The following CLOCK variants were observed in gnomAD, a reference collection of about 807,000 sequenced individuals.
CLOCK encodes circadian locomoter output cycles protein kaput.
Under a neutral mutation model 118.4 loss-of-function variants are expected in CLOCK, and 43 were observed. The ratio of observed to expected loss-of-function variants is 0.36; its 90% CI spans 0.28 to 0.47. The LOEUF is 0.47. Among genes scored for constraint, CLOCK ranks in the 20% least tolerant of loss-of-function variants. CLOCK has a pLI of 1.00. For synonymous variants in CLOCK, 326 were observed against 339.2 expected (o/e 0.96, Z 0.43); for missense variants, 846 against 999.9 (o/e 0.85, Z 2.08).
chr4:55,460,927 C>CTT (rs1725292403), intron 9 of CLOCK, among the ~76,000 whole-genome samples: 2 of 122,410 alleles, frequency 1.6e-5, no homozygotes, highest in African/African-American at 6.0e-5. Context: ...ACTTTCCTCT[C>CTT]CTTTTTTTTT....
chr4:55,452,983 A>G (rs1577706691), intron 15 of CLOCK, 71 bp downstream of exon 15: 1 of 1,059,172 alleles, frequency 9.4e-7, no homozygotes. Flanking sequence ...TAGTTTTCCT[A>G]TTAATTATTG....
At chr4:55,435,744 A>C in intron 22 of CLOCK, 150 bp from the exon 23 acceptor site, 1 of 817,440 alleles carries the variant, frequency 1.2e-6, no homozygotes, top group Non-Finnish European at 2.0e-6. Flanking sequence ...AAAAATTCTA[A>C]TTTGGAAAAT....
At chr4:55,466,431 A>G (rs1038972048) in intron 8 of CLOCK, among the ~76,000 whole-genome samples, 2 of 152,154 alleles carry the variant, frequency 1.3e-5, no homozygotes, top group Admixed American at 6.6e-5. Flanking sequence ...ACAACAGACT[A>G]ATACATCATC....
rs142790119 is a variant in CLOCK at position 55,532,999 on chromosome 4, G to A, written c.-290+13783C>T. Among the ~76,000 whole-genome samples, 428 of 152,236 alleles carry A rather than the reference G, an allele frequency of 2.8e-3. 1 individual carries two copies. The highest frequency in any genetic ancestry group is 4.1e-3 in the Non-Finnish European group (278 of 68,006). On this transcript the variant is annotated intron_variant, in intron 1 of 22. Transcript: ENST00000513440. ...ATACAAATAAATGGAAAAACATTCC[G>A]TGTTTTTAAACTGAAAGAGTTAATA...
chr4:55,508,198 T>C (rs992264205), intron 2 of CLOCK, among the ~76,000 whole-genome samples: 5 of 152,204 alleles, frequency 3.3e-5, no homozygotes, highest in East Asian at 1.9e-4. Flanking sequence ...TTTTGTTTCA[T>C]TGAGTCAGTC....
At chr4:55,463,643 G>T in intron 9 of CLOCK, 42 bp downstream of exon 9, 1 of 1,606,380 alleles carries the variant, frequency 6.2e-7, no homozygotes, top group South Asian at 1.1e-5. Context: ...TAGTGCTACT[G>T]AATACAACAT....
intron 1 of CLOCK, among the ~76,000 whole-genome samples, chr4:55,538,800 C>A (rs1439984553): frequency 6.6e-6 from 1 of 152,186 alleles, no homozygotes; most frequent in Non-Finnish European, 1.5e-5. Context: ...TTATCCTCAG[C>A]AAGAATATAG....
At chr4:55,531,125 T>C (rs1730514768) in intron 1 of CLOCK, among the ~76,000 whole-genome samples, 1 of 151,882 alleles carries the variant, frequency 6.6e-6, no homozygotes, top group Non-Finnish European at 1.5e-5. Flanking sequence ...ATCTAGAATA[T>C]AAAGCAATCT....
intron 1 of CLOCK, among the ~76,000 whole-genome samples, chr4:55,543,777 C>CAA (rs1039744749): frequency 4.4e-5 from 5 of 113,798 alleles, no homozygotes; most frequent in Non-Finnish European, 7.5e-5. Context: ...ACTCCGTCTC[C>CAA]AAAAAAAAAA....
In CLOCK at chr4:55,542,463, C is replaced by T. The variant is rs370106293; in HGVS notation, c.-290+4319G>A. ...ACCACTGAAGGCAGGGTCAATTATA[C>T]TGCATCTTTCTAGGTATCTCCCATA... On this transcript the variant is annotated intron_variant, in intron 1 of 22. Coordinates refer to ENST00000513440, the MANE Select transcript of CLOCK (RefSeq NM_004898.4). 2.6e-3 allele frequency among the ~76,000 whole-genome samples: 388 copies of T among 149,964 alleles called. 1 individual carries two copies. Among genetic ancestry groups the T allele is most frequent in the African/African-American group, 9.2e-3 (375 of 40,638 alleles).
At chr4:55,544,101 C>T (rs1053195155) in intron 1 of CLOCK, among the ~76,000 whole-genome samples, 25 of 104,090 alleles carry the variant, frequency 2.4e-4, no homozygotes, top group Non-Finnish European at 9.7e-5. Context: ...CCTCATTAAA[C>T]AGGTTTTCAA....
At chr4:55,438,251 T>A (rs1431520629) in intron 22 of CLOCK, 31 bp downstream of exon 22, 11 of 1,613,336 alleles carry the variant, frequency 6.8e-6, no homozygotes, top group Non-Finnish European at 8.5e-6. Flanking sequence ...AGTAAATGAG[T>A]TTGAAGCAGC....
intron 10 of CLOCK, 52 bp from the exon 11 acceptor site, chr4:55,459,062 G>T (rs1455821938): frequency 1.3e-6 from 2 of 1,497,562 alleles, no homozygotes; most frequent in Non-Finnish European, 1.9e-6. Flanking sequence ...AAACCTAATT[G>T]TCACTGATAT....
chr4:55,514,176 T>G (rs1163915512), intron 1 of CLOCK, among the ~76,000 whole-genome samples: 1 of 152,144 alleles, frequency 6.6e-6, no homozygotes, highest in African/African-American at 2.4e-5. Flanking sequence ...GACATCCTTA[T>G]CCTGTTCCTG....
At chr4:55,527,798 T>C (rs1263147775) in intron 1 of CLOCK, among the ~76,000 whole-genome samples, 2 of 151,996 alleles carry the variant, frequency 1.3e-5, no homozygotes, top group African/African-American at 4.8e-5. Flanking sequence ...ATCCCAGCAC[T>C]TTGGGAGGCC....
At position 55,519,163 on chromosome 4, in the gene CLOCK, C is replaced by T. The variant is rs536247528; in HGVS notation, c.-289-9098G>A. On this transcript the variant is annotated intron_variant, in intron 1 of 22. Transcript: ENST00000513440. ...AACTCCTGGGCTCAAGTGATCCTCC[C>T]GCCTCAGCCTCTGGAGCAGCTAGAA... Among the ~76,000 whole-genome samples the T allele has an allele frequency of 2.2e-4, 34 of 152,162 alleles. No individual in the cohort carries two copies. In the South Asian group the frequency reaches 3.5e-3, roughly 16 times the overall value.
intron 8 of CLOCK, among the ~76,000 whole-genome samples, chr4:55,465,960 A>G (rs1488076378): frequency 4.3e-5 from 3 of 70,494 alleles, no homozygotes; most frequent in South Asian, 6.9e-4. Context: ...TCAAAAAATA[A>G]TAACAATAAA....
At chr4:55,501,008 T>C (rs962781182) in intron 2 of CLOCK, among the ~76,000 whole-genome samples, 5 of 152,038 alleles carry the variant, frequency 3.3e-5, no homozygotes, top group East Asian at 3.9e-4. Context: ...TGCACCACCA[T>C]GCCTAGGGCT....
chr4:55,436,434 CTGTTCATTAA>C (rs1381459094), intron 22 of CLOCK, among the ~76,000 whole-genome samples: 1 of 152,146 alleles, frequency 6.6e-6, no homozygotes, highest in African/African-American at 2.4e-5. Flanking sequence ...TTCTGACATG[CTGTTCATTAA>C]TGTAAAACTC....
Sources: gnomAD v4.1 joint callset for allele counts (sites outside exome capture counted in the v4.1 genomes callset) on GRCh38, gnomAD v4.1.1 for gene constraint, MANE v1.5 for transcripts, NCBI Gene and HGNC (gene_info 2026-07-23, HGNC 2026-07-21) for gene names.